The following RIT2 variants were observed in gnomAD, a reference collection of about 807,000 sequenced individuals.
The protein encoded by RIT2 is GTP-binding protein Rit2.
In RIT2, 24 loss-of-function variants were observed where a neutral mutation model predicts 23.7. That is an observed-to-expected ratio of 1.01 (90% confidence interval 0.73 to 1.43). The LOEUF (loss-of-function observed/expected upper bound fraction) is 1.43. Ranked by LOEUF, RIT2 falls within the 40% of genes most tolerant of loss-of-function variation. The probability of loss-of-function intolerance (pLI) is 0.00; values close to 1 mark genes in which losing one functional copy is unlikely to be tolerated. For synonymous variants in RIT2, 107 were observed against 91.1 expected, an observed-to-expected ratio of 1.17 and a Z score of -0.99; for missense variants, 236 against 266.9, an observed-to-expected ratio of 0.88 and a Z score of 0.81.
In RIT2 at chr18:43,019,066, C is replaced by G. The variant is rs141047831; in HGVS notation, c.160+14745G>C. ...TATCAAGATTAATCTTGAATAGAAA[C>G]AGATTAAATTTTCCACTTAAAAGAT... is the stretch of plus-strand genomic sequence containing the variant. On this transcript the variant is annotated intron_variant, in intron 2 of 4. Transcript: ENST00000326695. Among the ~76,000 whole-genome samples, 596 of 151,824 alleles carry G rather than the reference C, an allele frequency of 3.9e-3. 1 individual carries two copies. The highest frequency in any genetic ancestry group is 6.1e-3 in the Non-Finnish European group (414 of 67,880).
At chr18:42,942,091 TAATTGTTCAAGTAAAAAAAA>T (rs1209582762) in intron 3 of RIT2, among the ~76,000 whole-genome samples, 1 of 151,914 alleles carries the variant, frequency 6.6e-6, no homozygotes, top group Non-Finnish European at 1.5e-5. Flanking sequence ...GTTGTTATCT[TAATTGTTCAAGTAAAAAAAA>T]AAAACAGTGA....
At chr18:42,775,491 T>C (rs1272471875) in intron 4 of RIT2, among the ~76,000 whole-genome samples, 1 of 151,960 alleles carries the variant, frequency 6.6e-6, no homozygotes, top group Non-Finnish European at 1.5e-5. Context: ...GGTCAGGAGA[T>C]CGAGACCATC....
At chr18:43,075,568 A>G (rs189692931) in intron 1 of RIT2, among the ~76,000 whole-genome samples, 4 of 152,330 alleles carry the variant, frequency 2.6e-5, no homozygotes, top group African/African-American at 7.2e-5. Context: ...AGAAAAATTG[A>G]ATTCTGTCTT....
At chr18:42,892,841 T>C (rs1465563746) in intron 4 of RIT2, among the ~76,000 whole-genome samples, 2 of 152,196 alleles carry the variant, frequency 1.3e-5, no homozygotes, top group African/African-American at 4.8e-5. Flanking sequence ...CAGTGTTGTG[T>C]TAGCAGTTCT....
At chr18:42,976,273 AAAAG>A (rs1369931504) in intron 2 of RIT2, among the ~76,000 whole-genome samples, 2 of 152,102 alleles carry the variant, frequency 1.3e-5, no homozygotes, top group African/African-American at 4.8e-5. Flanking sequence ...AAAAAAGAAA[AAAAG>A]AAAACCAGAA....
At chr18:42,978,545 C>T (rs1598736565) in intron 2 of RIT2, among the ~76,000 whole-genome samples, 3 of 151,990 alleles carry the variant, frequency 2.0e-5, no homozygotes, top group East Asian at 3.9e-4. Context: ...CCTATAGACC[C>T]AATCCTGAAG....
At chr18:42,963,815 G>T (rs1267065884) in intron 3 of RIT2, among the ~76,000 whole-genome samples, 1 of 152,110 alleles carries the variant, frequency 6.6e-6, no homozygotes, top group Non-Finnish European at 1.5e-5. Context: ...AGAATCACTT[G>T]AACCCAGGAG....
At position 42,893,316 on chromosome 18, in the gene RIT2, T is replaced by C. The variant is rs72642414; in HGVS notation, c.426+30256A>G. On this transcript the variant is annotated intron_variant, in intron 4 of 4. Transcript: ENST00000326695. Reference sequence around the variant, plus strand: ...GTCTTGTTAATGCAAATAATAAATATTTATTTCTCACAGTTCTGGAGGCTG... The same window carrying C: ...GTCTTGTTAATGCAAATAATAAATACTTATTTCTCACAGTTCTGGAGGCTG... Among the ~76,000 whole-genome samples, 3,605 of 152,200 alleles carry C rather than the reference T, an allele frequency of 0.024. 364 individuals carry two copies. The East Asian group carries it at 0.35, about 15-fold the overall frequency.
chr18:42,852,123 T>G (rs541400728), intron 4 of RIT2, among the ~76,000 whole-genome samples: 93 of 152,320 alleles, frequency 6.1e-4, no homozygotes, highest in African/African-American at 2.1e-3. Context: ...TTCTGTTCTC[T>G]AAATTAAGCC....
intron 4 of RIT2, among the ~76,000 whole-genome samples, chr18:42,792,931 T>C (rs1052242911): frequency 3.3e-5 from 5 of 152,208 alleles, no homozygotes; most frequent in African/African-American, 1.2e-4. Context: ...AGTCATGTTT[T>C]GTTAACTTTA....
At chr18:42,820,489 T>C (rs989270813) in intron 4 of RIT2, among the ~76,000 whole-genome samples, 2 of 152,156 alleles carry the variant, frequency 1.3e-5, no homozygotes, top group African/African-American at 4.8e-5. Flanking sequence ...TCTAACTCTC[T>C]GTCCTCCTGT....
chr18:43,111,735 A>T (rs930795986), intron 1 of RIT2, among the ~76,000 whole-genome samples: 1 of 152,102 alleles, frequency 6.6e-6, no homozygotes. Flanking sequence ...CATATCTGTT[A>T]CTTTGTATGG....
intron 1 of RIT2, among the ~76,000 whole-genome samples, chr18:43,051,120 T>C (rs538125884): frequency 1.3e-5 from 2 of 152,172 alleles, no homozygotes; most frequent in South Asian, 2.1e-4. Context: ...CTGTAGGATC[T>C]GACGGTATCT....
intron 4 of RIT2, among the ~76,000 whole-genome samples, chr18:42,780,820 CTTT>C (rs750695978): frequency 9.9e-5 from 13 of 131,202 alleles, no homozygotes; most frequent in African/African-American, 8.4e-5. Context: ...GCTTTTCAGG[CTTT>C]TTTTTTTTTT....
At chr18:42,836,658 G>A (rs1906611300) in intron 4 of RIT2, among the ~76,000 whole-genome samples, 1 of 152,098 alleles carries the variant, frequency 6.6e-6, no homozygotes, top group Non-Finnish European at 1.5e-5. Context: ...AATATGAACA[G>A]TAATAGTGAA....
chr18:42,935,588 G>A (rs936887981), intron 3 of RIT2, among the ~76,000 whole-genome samples: 1 of 152,046 alleles, frequency 6.6e-6, no homozygotes, highest in Non-Finnish European at 1.5e-5. Flanking sequence ...TGTCTAGTGT[G>A]TTCATCTTTA....
intron 2 of RIT2, among the ~76,000 whole-genome samples, chr18:43,008,471 G>A (rs1598746444): frequency 6.6e-6 from 1 of 151,132 alleles, no homozygotes; most frequent in African/African-American, 2.4e-5. Flanking sequence ...GAGCTTTGGG[G>A]TAACTGGCAA....
intron 4 of RIT2, among the ~76,000 whole-genome samples, chr18:42,825,818 C>T (rs949612809): frequency 2.0e-5 from 3 of 151,700 alleles, no homozygotes; most frequent in African/African-American, 4.8e-5. Flanking sequence ...GCTAGAATAC[C>T]CTTTGAGCTT....
intron 3 of RIT2, among the ~76,000 whole-genome samples, chr18:42,956,933 T>C (rs1230954023): frequency 6.6e-6 from 1 of 152,136 alleles, no homozygotes; most frequent in Non-Finnish European, 1.5e-5. Flanking sequence ...GAGGAGACTG[T>C]TGTAATACAG....
Sources: gnomAD v4.1 joint callset for allele counts (sites outside exome capture counted in the v4.1 genomes callset) on GRCh38, gnomAD v4.1.1 for gene constraint, MANE v1.5 for transcripts, NCBI Gene and HGNC (gene_info 2026-07-23, HGNC 2026-07-21) for gene names.